The following ULK4 variants were observed in gnomAD, a reference collection of about 807,000 sequenced individuals.
The protein encoded by ULK4 is unc-51 like kinase 4.
In ULK4, 133 loss-of-function variants were observed where a neutral mutation model predicts 160.6. The observed-to-expected ratio is 0.83, with a 90% CI of 0.72 to 0.96. The LOEUF (loss-of-function observed/expected upper bound fraction) is 0.96, where lower values mean the gene tolerates loss of function less well. Among genes scored for constraint, ULK4 ranks in the 40% least tolerant of loss-of-function variants. The pLI is 0.00. For synonymous variants in ULK4, 534 were observed against 539.8 expected (o/e 0.99, Z 0.15); for missense variants, 1,580 against 1,499.5 (o/e 1.05, Z -0.89).
rs1553679854 is a variant in ULK4 at position 41,873,880 on chromosome 3, T to TTG, written c.1656+9993_1656+9994insCA. ...CTAGGTTTGTTTTTGTGGTTTTTTT[T>TTG]GTTTTTTTTTTTTGATGTGGGAGGA... On this transcript the variant is annotated intron_variant, in intron 17 of 36. Coordinates refer to ENST00000301831, the MANE Select transcript of ULK4 (RefSeq NM_017886.4). Among the ~76,000 whole-genome samples the TTG allele has an allele frequency of 1.1e-3, 151 of 131,494 alleles. 1 individual carries two copies. The highest frequency in any genetic ancestry group is 3.2e-3 in the African/African-American group (113 of 35,122). The allele number at this position is 131,494 out of a possible 152,430, so 86.3% of individuals were successfully genotyped here. A position where few individuals can be genotyped will look rare whatever the true frequency, so the allele number is the denominator to read the frequency against.
chr3:41,717,686 G>A (rs770075281), intron 23 of ULK4, 42 bp downstream of exon 23: 14 of 1,569,738 alleles, frequency 8.9e-6, no homozygotes, highest in Admixed American at 6.7e-5. Context: ...TCTTAGAAAC[G>A]TAAAAGCAGA....
At chr3:41,463,052 G>A (rs914037807) in intron 33 of ULK4, 35 bp downstream of exon 33, 2 of 1,604,028 alleles carry the variant, frequency 1.2e-6, no homozygotes, top group Non-Finnish European at 1.7e-6. Flanking sequence ...AAATGGAGTA[G>A]GGCTGCTCAA....
chr3:41,892,265 T>C (rs1206633512), intron 16 of ULK4, among the ~76,000 whole-genome samples: 3 of 152,208 alleles, frequency 2.0e-5, no homozygotes, highest in Admixed American at 1.3e-4. Flanking sequence ...CCAAAGAAGA[T>C]ATACAAATAG....
chr3:41,800,321 T>C (rs1186090610), intron 19 of ULK4, 28 bp from the exon 20 acceptor site: 5 of 1,577,036 alleles, frequency 3.2e-6, no homozygotes, highest in South Asian at 1.2e-5. Flanking sequence ...TAAAATAATA[T>C]TAGTGTGAGA....
intron 34 of ULK4, among the ~76,000 whole-genome samples, chr3:41,417,696 GTC>G (rs1387303102): frequency 6.6e-6 from 1 of 152,172 alleles, no homozygotes; most frequent in Non-Finnish European, 1.5e-5. Flanking sequence ...CACACATGCA[GTC>G]CTTTTAAGAG....
intron 32 of ULK4, among the ~76,000 whole-genome samples, chr3:41,484,101 T>C (rs1001655632): frequency 3.3e-5 from 5 of 152,194 alleles, no homozygotes; most frequent in African/African-American, 9.7e-5. Flanking sequence ...CCTAGTCTGT[T>C]GTCTTTACCA....
At chr3:41,908,332 T>C (rs1698652781) in intron 11 of ULK4, among the ~76,000 whole-genome samples, 1 of 152,184 alleles carries the variant, frequency 6.6e-6, no homozygotes, top group South Asian at 2.1e-4. Context: ...TTAAAATAAG[T>C]AACAAGGGAG....
chr3:41,589,974 G>C (rs933574764), intron 31 of ULK4, among the ~76,000 whole-genome samples: 2 of 151,606 alleles, frequency 1.3e-5, no homozygotes, highest in Non-Finnish European at 2.9e-5. Context: ...ATGAGATAAA[G>C]AGATGTTTTA....
At chr3:41,465,130 A>T (rs565535235) in intron 32 of ULK4, among the ~76,000 whole-genome samples, 1 of 152,350 alleles carries the variant, frequency 6.6e-6, no homozygotes, top group South Asian at 2.1e-4. Flanking sequence ...ACCCATTAAT[A>T]TGATTTTAAG....
rs371749197 is a variant in ULK4 at position 41,250,404 on chromosome 3, A to G, written c.3679-830T>C. Among the ~76,000 whole-genome samples, 13 of 152,298 alleles carry G rather than the reference A, an allele frequency of 8.5e-5. No individual in the cohort carries two copies. The East Asian group carries it at 1.7e-3, about 20-fold the overall frequency. On this transcript the variant is annotated intron_variant, in intron 35 of 36. Transcript: ENST00000301831. Reference sequence around the variant, plus strand: ...TTTACATTTCAGAATGCTGTTTCCTATATGTTTTCTCATTTAATCTTCTCA... The same window carrying G: ...TTTACATTTCAGAATGCTGTTTCCTGTATGTTTTCTCATTTAATCTTCTCA...
At chr3:41,672,003 T>C (rs2035556788) in intron 29 of ULK4, among the ~76,000 whole-genome samples, 1 of 152,036 alleles carries the variant, frequency 6.6e-6, no homozygotes, top group Non-Finnish European at 1.5e-5. Flanking sequence ...ATCAGGGAAA[T>C]GCAAGTCAAA....
intron 27 of ULK4, among the ~76,000 whole-genome samples, chr3:41,693,685 G>T (rs1055634107): frequency 2.6e-5 from 4 of 152,184 alleles, no homozygotes; most frequent in Non-Finnish European, 5.9e-5. Flanking sequence ...AGTAATGAGA[G>T]TATGATGGAA....
intron 22 of ULK4, among the ~76,000 whole-genome samples, chr3:41,753,775 G>T (rs2038704864): frequency 6.6e-6 from 1 of 152,192 alleles, no homozygotes; most frequent in African/African-American, 2.4e-5. Context: ...CAGATCTAGG[G>T]CTGTGTTAGC....
intron 21 of ULK4, among the ~76,000 whole-genome samples, chr3:41,760,949 G>A (rs2038962694): frequency 6.6e-6 from 1 of 152,172 alleles, no homozygotes; most frequent in Non-Finnish European, 1.5e-5. Context: ...GCAGTGACAT[G>A]GATGAATCTC....
chr3:41,484,942 TAAC>T (rs1458840956), intron 32 of ULK4, among the ~76,000 whole-genome samples: 21 of 152,204 alleles, frequency 1.4e-4, no homozygotes, highest in African/African-American at 4.1e-4. Context: ...AGATGTATGA[TAAC>T]AAACTATATC....
intron 31 of ULK4, among the ~76,000 whole-genome samples, chr3:41,592,823 A>T (rs2031444179): frequency 6.6e-6 from 1 of 152,126 alleles, no homozygotes; most frequent in Non-Finnish European, 1.5e-5. Flanking sequence ...TGCCTTGGGG[A>T]ACTGCCATAC....
chr3:41,310,445 G>A (rs1224676959), intron 35 of ULK4, among the ~76,000 whole-genome samples: 1 of 152,298 alleles, frequency 6.6e-6, no homozygotes, highest in East Asian at 1.9e-4. Flanking sequence ...ATTAGAAGCT[G>A]GGAGGGCGGG....
intron 12 of ULK4, among the ~76,000 whole-genome samples, chr3:41,904,155 A>C (rs1359976667): frequency 6.6e-6 from 1 of 152,182 alleles, no homozygotes. Context: ...ACATAAGGCC[A>C]AGCACAGTGG....
rs181506148 is a variant in ULK4, at chr3:41,577,842, T to A, written c.3121-11712A>T. ...TTATAGAGTCAAAGGTGTACTTTTA[T>A]ACTTGATCTCAGCCAAAAGGCCAAG... is the stretch of plus-strand genomic sequence containing the variant. On this transcript the variant is annotated intron_variant, in intron 31 of 36. Transcript: ENST00000301831. 2.5e-3 allele frequency among the ~76,000 whole-genome samples: 379 copies of A among 152,330 alleles called. 15 individuals are homozygous for A. The highest frequency in any genetic ancestry group is 0.021 in the Admixed American group (325 of 15,304).
Sources: allele counts gnomAD v4.1 joint callset (sites outside exome capture counted in the v4.1 genomes callset), GRCh38; gene constraint gnomAD v4.1.1; transcripts MANE v1.5; gene names NCBI Gene and HGNC (gene_info 2026-07-23, HGNC 2026-07-21).